GLIS3: variants seen among roughly 807,000 people sequenced by gnomAD.
The protein encoded by GLIS3 is GLIS family zinc finger 3.
In GLIS3, 53 loss-of-function variants were observed where a neutral mutation model predicts 78.6. The ratio of observed to expected loss-of-function variants is 0.67; its 90% CI spans 0.54 to 0.85. The LOEUF (loss-of-function observed/expected upper bound fraction) is 0.85, where lower values mean the gene tolerates loss of function less well. Ranked by LOEUF, GLIS3 falls within the 40% of genes least tolerant of loss-of-function variation. GLIS3 has a pLI of 0.00. For synonymous variants in GLIS3, 684 were observed against 509.9 expected (o/e 1.34, Z -4.60); for missense variants, 1,703 against 1,231.1 (o/e 1.38, Z -5.74).
chr9:4,133,238 AT>A (rs1266052022), intron 2 of GLIS3, among the ~76,000 whole-genome samples: 1 of 152,234 alleles, frequency 6.6e-6, no homozygotes. Flanking sequence ...TAACCATAAT[AT>A]AATCATTGAA....
Position 3,828,143 on chromosome 9 carries a change from A to G in GLIS3, c.*129T>C. On this transcript the variant is annotated 3_prime_UTR_variant, in exon 11 of 11. Transcript: ENST00000381971. ...CCATTCAGTCCTGCCTTCTGAAAGA[A>G]CATCAGTAACTCTGCAGGGCCCGCT... 1 of 1,038,918 alleles carries G rather than the reference A, an allele frequency of 9.6e-7. No individual in the cohort carries two copies. Among genetic ancestry groups the G allele is most frequent in the Non-Finnish European group, 1.5e-6 (1 of 677,438 alleles). The allele number at this position is 1,038,918 out of a possible 1,614,324, so 64.4% of individuals were successfully genotyped here.
Position 4,163,555 on chromosome 9 carries a change from C to T in GLIS3, c.389-37614G>A, listed in dbSNP as rs183279087. Among the ~76,000 whole-genome samples the T allele has an allele frequency of 8.5e-5, 13 of 152,280 alleles. No homozygotes were observed. The East Asian group carries it at 2.3e-3, about 27-fold the overall frequency. On this transcript the variant is annotated intron_variant, in intron 2 of 10. Transcript: ENST00000381971. ...TGGTATTTCTACCCAGGCAGTAAGA[C>T]CACATTTCACAGGCAGGACAGCATG...
At chr9:3,856,346 C>A (rs1421999775) in intron 8 of GLIS3, among the ~76,000 whole-genome samples, 162 bp from the exon 9 acceptor site, 2 of 152,146 alleles carry the variant, frequency 1.3e-5, no homozygotes, top group Non-Finnish European at 2.9e-5. Context: ...ACCCTCTCTC[C>A]CTCCCCACTG....
intron 6 of GLIS3, among the ~76,000 whole-genome samples, chr9:3,912,569 T>C (rs1824226792): frequency 6.6e-6 from 1 of 152,222 alleles, no homozygotes; most frequent in African/African-American, 2.4e-5. Flanking sequence ...CAGAAAGGCA[T>C]GCAACTTGTA....
At chr9:3,833,314 T>C (rs1818155738) in intron 9 of GLIS3, among the ~76,000 whole-genome samples, 1 of 152,202 alleles carries the variant, frequency 6.6e-6, no homozygotes, top group Non-Finnish European at 1.5e-5. Context: ...ATGGTTTTCA[T>C]ATATTCTCTT....
At chr9:4,321,419 C>A in intron 2 of GLIS3, among the ~76,000 whole-genome samples, 1 of 11,660 alleles carries the variant, frequency 8.6e-5, no homozygotes, top group Admixed American at 1.3e-3. Context: ...TAGACTCCGT[C>A]TCAAAAAAAA....
chr9:4,301,003 T>C (rs1817048170), upstream of GLIS3, among the ~76,000 whole-genome samples: 1 of 152,000 alleles, frequency 6.6e-6, no homozygotes, highest in African/African-American at 2.4e-5. Flanking sequence ...AAATTAGCAA[T>C]CAGGTAGTAG....
chr9:3,904,614 C>A (rs1823536084), intron 6 of GLIS3, among the ~76,000 whole-genome samples: 1 of 152,170 alleles, frequency 6.6e-6, no homozygotes. Context: ...GAGAAAGCAT[C>A]GTGCGGTTGA....
rs1329986323 is a variant in GLIS3, at chr9:4,125,939, C to A, written c.391G>T (p.Ala131Ser). The change falls in exon 3 of 11, where the codon GCT becomes TCT. Residue 131 changes from alanine to serine, a missense_variant and splice_region_variant. Coordinates refer to ENST00000381971, the MANE Select transcript of GLIS3 (RefSeq NM_001042413.2). ...TTGCACTGAGGCCCAAAGCCAAGAG[C>A]CCCTAAAAACAAATGAATCAGGTTA... ...SPFPPNPGKG[A>S]LGFGPQCKSI... The A allele has an allele frequency of 1.2e-6, 2 of 1,613,000 alleles. No individual in the cohort carries two copies. The highest frequency in any genetic ancestry group is 1.7e-6 in the Non-Finnish European group (2 of 1,179,240).
At chr9:4,484,302 G>C in the GLIS3 span, among the ~76,000 whole-genome samples, 1 of 149,282 alleles carries the variant, frequency 6.7e-6, no homozygotes, top group African/African-American at 2.5e-5. Context: ...CAGTGGCATG[G>C]TCAAGACTCA....
At chr9:4,143,349 C>G (rs1230823383) in intron 2 of GLIS3, among the ~76,000 whole-genome samples, 1 of 151,776 alleles carries the variant, frequency 6.6e-6, no homozygotes, top group African/African-American at 2.4e-5. Flanking sequence ...GGCAGATCAC[C>G]CGAGGTCAGG....
chr9:4,139,338 G>A (rs72689959), intron 2 of GLIS3, among the ~76,000 whole-genome samples: 39 of 152,266 alleles, frequency 2.6e-4, no homozygotes, highest in Non-Finnish European at 4.9e-4. Flanking sequence ...GGATGAATAG[G>A]TAATGAATAC....
intron 4 of GLIS3, among the ~76,000 whole-genome samples, chr9:3,959,260 G>A (rs1005630410): frequency 2.1e-4 from 32 of 152,314 alleles, no homozygotes; most frequent in African/African-American, 7.0e-4. Flanking sequence ...GAGGACACAC[G>A]GAGTGGGTGC....
chr9:3,998,469 T>G (rs1373503094), intron 4 of GLIS3, among the ~76,000 whole-genome samples: 1 of 152,020 alleles, frequency 6.6e-6, no homozygotes, highest in Non-Finnish European at 1.5e-5. Context: ...ATAATGTACT[T>G]ACCTACTATA....
chr9:4,094,336 G>A (rs1829773163), intron 4 of GLIS3, among the ~76,000 whole-genome samples: 1 of 152,176 alleles, frequency 6.6e-6, no homozygotes, highest in Non-Finnish European at 1.5e-5. Context: ...TAGTGAGAGT[G>A]CAAATCAGTA....
At chr9:4,241,010 T>C (rs1350328428) in intron 2 of GLIS3, among the ~76,000 whole-genome samples, 2 of 152,146 alleles carry the variant, frequency 1.3e-5, no homozygotes, top group African/African-American at 2.4e-5. Flanking sequence ...TCTATTGAAA[T>C]GAATCTTAAC....
At chr9:4,158,895 G>A (rs1835246624) in intron 2 of GLIS3, among the ~76,000 whole-genome samples, 1 of 152,172 alleles carries the variant, frequency 6.6e-6, no homozygotes, top group Admixed American at 6.5e-5. Flanking sequence ...GGAAGAGGTA[G>A]CTCATAAGCT....
chr9:4,458,734 G>T, the GLIS3 span, among the ~76,000 whole-genome samples: 74 of 152,316 alleles, frequency 4.9e-4, no homozygotes, highest in African/African-American at 1.6e-3. Flanking sequence ...GGAGGCAGAG[G>T]TTGTGGTGAG....
At chr9:4,039,673 C>A (rs1824637288) in intron 4 of GLIS3, among the ~76,000 whole-genome samples, 1 of 152,194 alleles carries the variant, frequency 6.6e-6, no homozygotes, top group Non-Finnish European at 1.5e-5. Context: ...TGGCTCCCAG[C>A]CAGTGCTCTT....
Sources: allele counts gnomAD v4.1 joint callset (sites outside exome capture counted in the v4.1 genomes callset), GRCh38; gene constraint gnomAD v4.1.1; transcripts MANE v1.5; gene names NCBI Gene and HGNC (gene_info 2026-07-23, HGNC 2026-07-21).